Variants in C1QTNF3 observed in about 807,000 individuals in gnomAD.
C1QTNF3 encodes complement C1q tumor necrosis factor-related protein 3.
In C1QTNF3, 26 loss-of-function variants were observed where a neutral mutation model predicts 32.6. The ratio of observed to expected loss-of-function variants is 0.80; its 90% CI spans 0.58 to 1.11. The LOEUF is 1.11. Ranked by LOEUF, C1QTNF3 falls within the 50% of genes least tolerant of loss-of-function variation. The probability of loss-of-function intolerance (pLI) is 0.00; values close to 1 mark genes in which losing one functional copy is unlikely to be tolerated. For synonymous variants in C1QTNF3, 155 were observed against 146.0 expected (o/e 1.06, Z -0.44); for missense variants, 362 against 398.2 (o/e 0.91, Z 0.77).
the C1QTNF3 span, among the ~76,000 whole-genome samples, chr5:34,104,639 G>A: frequency 8.7e-5 from 9 of 103,414 alleles, no homozygotes; most frequent in Non-Finnish European, 1.7e-4. Flanking sequence ...AGGTTCAAGT[G>A]ATTCTCCTGC....
intron 5 of C1QTNF3, among the ~76,000 whole-genome samples, chr5:34,021,478 G>A (rs1217202493): frequency 6.6e-6 from 1 of 152,230 alleles, no homozygotes; most frequent in African/African-American, 2.4e-5. Context: ...TAATGTCTAC[G>A]TGATTAGGGC....
the C1QTNF3 span, among the ~76,000 whole-genome samples, chr5:34,138,567 T>G: frequency 1.3e-5 from 2 of 152,156 alleles, no homozygotes; most frequent in Admixed American, 6.5e-5. Context: ...ATGACATCAT[T>G]AATCTCTCAC....
At chr5:34,210,379 GTTTA>G in the C1QTNF3 span, among the ~76,000 whole-genome samples, 2 of 151,976 alleles carry the variant, frequency 1.3e-5, no homozygotes, top group African/African-American at 2.4e-5. Flanking sequence ...ACCTAGACAA[GTTTA>G]TTTATTTATT....
intron 1 of C1QTNF3, among the ~76,000 whole-genome samples, chr5:34,036,822 C>T (rs1339487256): frequency 6.6e-6 from 1 of 152,016 alleles, no homozygotes; most frequent in African/African-American, 2.4e-5. Flanking sequence ...CATGCTGGTG[C>T]ATGCCTGTAA....
chr5:34,107,430 T>C, the C1QTNF3 span, among the ~76,000 whole-genome samples: 1 of 151,882 alleles, frequency 6.6e-6, no homozygotes, highest in African/African-American at 2.4e-5. Context: ...TAACTATCTT[T>C]GTTTTTAATT....
chr5:34,240,595 C>G, the C1QTNF3 span, among the ~76,000 whole-genome samples: 1 of 151,558 alleles, frequency 6.6e-6, no homozygotes, highest in South Asian at 2.1e-4. Context: ...ACTGAAGAGA[C>G]CAATATGAAG....
At chr5:34,140,585 T>C in the C1QTNF3 span, among the ~76,000 whole-genome samples, 4 of 152,240 alleles carry the variant, frequency 2.6e-5, no homozygotes, top group Non-Finnish European at 5.9e-5. Flanking sequence ...TTGGTCAAAA[T>C]TGTGAACACT....
At chr5:34,072,846 A>G in the C1QTNF3 span, among the ~76,000 whole-genome samples, 1 of 152,220 alleles carries the variant, frequency 6.6e-6, no homozygotes, top group Non-Finnish European at 1.5e-5. Flanking sequence ...AAAGCAAGTT[A>G]TGAATATTCA....
At chr5:34,027,388 T>C (rs1006496297) in intron 4 of C1QTNF3, among the ~76,000 whole-genome samples, 7 of 152,214 alleles carry the variant, frequency 4.6e-5, no homozygotes, top group Admixed American at 2.0e-4. Context: ...GATATACCTG[T>C]AAGTGATCAA....
At chr5:34,072,421 G>GAAAGAAAGAAAGAA in the C1QTNF3 span, among the ~76,000 whole-genome samples, 1 of 100,518 alleles carries the variant, frequency 9.9e-6, no homozygotes, top group Middle Eastern at 5.0e-3. Context: ...AAGAAAGAAA[G>GAAAGAAAGAAAGAA]AACAGAAATG....
At chr5:34,150,303 C>A in the C1QTNF3 span, among the ~76,000 whole-genome samples, 2 of 99,182 alleles carry the variant, frequency 2.0e-5, no homozygotes, top group Non-Finnish European at 3.9e-5. Flanking sequence ...ATCAACGAGA[C>A]AGAAAGTCAA....
intron 1 of C1QTNF3, among the ~76,000 whole-genome samples, chr5:34,037,968 G>C (rs1416884014): frequency 6.6e-6 from 1 of 152,170 alleles, no homozygotes; most frequent in African/African-American, 2.4e-5. Flanking sequence ...GAGAAGGGAG[G>C]GGAAGGAGGG....
the C1QTNF3 span, among the ~76,000 whole-genome samples, chr5:34,137,147 TAAA>T: frequency 7.0e-6 from 1 of 142,218 alleles, no homozygotes; most frequent in African/African-American, 2.6e-5. Context: ...AAAGTATAAT[TAAA>T]AAAAAAAAAA....
At chr5:34,033,508 A>G in intron 2 of C1QTNF3, 50 bp from the exon 3 acceptor site, 1 of 1,610,300 alleles carries the variant, frequency 6.2e-7, no homozygotes. Flanking sequence ...ACTCATACTT[A>G]CCATCCATTT....
the C1QTNF3 span, among the ~76,000 whole-genome samples, chr5:34,133,081 T>G: frequency 1.3e-5 from 2 of 152,186 alleles, no homozygotes; most frequent in Admixed American, 6.5e-5. Flanking sequence ...GAATGAGACA[T>G]TTTATCACCT....
At chr5:34,038,266 A>G (rs1000658048) in intron 1 of C1QTNF3, among the ~76,000 whole-genome samples, 8 of 152,316 alleles carry the variant, frequency 5.3e-5, no homozygotes, top group Non-Finnish European at 7.4e-5. Context: ...AGCCACGAAG[A>G]TAAGGTGAGC....
the C1QTNF3 span, chr5:34,165,097 C>T: frequency 6.6e-6 from 1 of 152,164 alleles, no homozygotes; most frequent in South Asian, 2.1e-4. Context: ...AGACACCCTC[C>T]TTCTGGTGCT....
the C1QTNF3 span, chr5:34,168,622 C>T: frequency 6.6e-6 from 1 of 151,770 alleles, no homozygotes; most frequent in South Asian, 2.1e-4. Context: ...CCTCACTATG[C>T]TTTGTCATTG....
chr5:34,187,850 A>G, the C1QTNF3 span, among the ~76,000 whole-genome samples: 1 of 152,428 alleles, frequency 6.6e-6, no homozygotes, highest in East Asian at 1.9e-4. Flanking sequence ...GGTTGTAGAA[A>G]TTTGCATAAG....
Sources: gnomAD v4.1 joint callset for allele counts (sites outside exome capture counted in the v4.1 genomes callset) on GRCh38, gnomAD v4.1.1 for gene constraint, MANE v1.5 for transcripts, NCBI Gene and HGNC (gene_info 2026-07-23, HGNC 2026-07-21) for gene names.